Variants in OCA2 observed in about 807,000 individuals in gnomAD.
OCA2 encodes P protein.
A neutral mutation model predicts 100.2 loss-of-function variants in OCA2; 77 were observed. That is an observed-to-expected ratio of 0.77 (90% confidence interval 0.64 to 0.93). The LOEUF (loss-of-function observed/expected upper bound fraction) is 0.93. Among genes scored for constraint, OCA2 ranks in the 40% least tolerant of loss-of-function variants. The pLI is 0.00. For missense variants in OCA2, 1,062 were observed against 1,089.1 expected (o/e 0.98, Z 0.35); for synonymous variants, 432 against 439.2 (o/e 0.98, Z 0.21).
At chr15:27,837,600 G>A (rs186764707) in intron 23 of OCA2, among the ~76,000 whole-genome samples, 3 of 152,170 alleles carry the variant, frequency 2.0e-5, no homozygotes, top group East Asian at 3.9e-4. Context: ...CTAAAATTGA[G>A]GAAAGTAACA....
the OCA2 span, among the ~76,000 whole-genome samples, chr15:27,722,629 CTTCCT>C: frequency 1.0e-5 from 1 of 97,198 alleles, no homozygotes; most frequent in African/African-American, 3.6e-5. Flanking sequence ...TCCTCCCTTC[CTTCCT>C]TTCCTTCCTT....
At chr15:27,722,808 C>CTT in the OCA2 span, among the ~76,000 whole-genome samples, 135 of 143,248 alleles carry the variant, frequency 9.4e-4, no homozygotes, top group Admixed American at 1.8e-3. Context: ...CTCTTTCTCT[C>CTT]TCTCTTTCTC....
rs199932116 is a variant in OCA2 at position 27,943,358 on chromosome 15, A to T, written c.1951+8426T>A. Among the ~76,000 whole-genome samples, 227 of 114,936 alleles carry T rather than the reference A, an allele frequency of 2.0e-3. 1 individual carries two copies. The highest frequency in any genetic ancestry group is 5.4e-3 in the African/African-American group (209 of 38,624). The allele number at this position is 114,936 out of a possible 152,430, so 75.4% of individuals were successfully genotyped here. A position where few individuals can be genotyped will look rare whatever the true frequency, so the allele number is the denominator to read the frequency against. ...CCAAATTCCATCCTGACTCTAGTAT[A>T]ACATCACATGACAGACAGCAGGCCC... is the stretch of plus-strand genomic sequence containing the variant. On this transcript the variant is annotated intron_variant, in intron 18 of 23. Transcript: ENST00000354638.
chr15:28,003,637 C>T (rs1322313842), intron 9 of OCA2, among the ~76,000 whole-genome samples: 1 of 150,264 alleles, frequency 6.7e-6, no homozygotes, highest in South Asian at 2.1e-4. Context: ...GCGCGTGAGC[C>T]GTGCGCAGGG....
intron 2 of OCA2, among the ~76,000 whole-genome samples, chr15:28,069,384 C>CTCCCT (rs371498604): frequency 1.9e-4 from 2 of 10,458 alleles, no homozygotes; most frequent in Non-Finnish European, 3.0e-4. Context: ...CCCTCTCCCT[C>CTCCCT]CCCCTCCCCC....
In OCA2 at chr15:27,851,403, C is replaced by T. The variant is rs1184589806; in HGVS notation, c.2317G>A (p.Ala773Thr). The T allele has an allele frequency of 1.2e-6, 2 of 1,613,992 alleles. No individual in the cohort carries two copies. Among genetic ancestry groups the T allele is most frequent in the Admixed American group, 3.3e-5 (2 of 60,016 alleles). ...TTACCTCCCAGGCAAGCACCGAAGG[C>T]CAGGGCATACATGAGCGGCGGTGCG... ...LPAPPLMYALAFGACLGGNGT... is the reference protein window; with the variant it reads ...LPAPPLMYALTFGACLGGNGT... The change falls in exon 22 of 24, where the codon GCC (alanine) becomes ACC (threonine). Residue 773 changes from alanine to threonine, a missense_variant. Ala to Thr is a moderately conservative substitution (Grantham distance 58). Transcript: ENST00000354638.
At chr15:27,846,659 G>C (rs748832898) in intron 22 of OCA2, among the ~76,000 whole-genome samples, 1 of 152,192 alleles carries the variant, frequency 6.6e-6, no homozygotes, top group Non-Finnish European at 1.5e-5. Context: ...ATCTGCGAGG[G>C]ACCACTTCCC....
chr15:28,022,540 G>C lies in OCA2; in HGVS notation c.607C>G (p.Leu203Val). ...GGTGATAAGGCCAACAGCTGCCAGA[G>C]CTTTCCTTGATCCGGATATAGGCTG... ...LFSLYPDQGK[L>V]WQLLALSPLE... The change falls in exon 6 of 24, where the codon CTC becomes GTC. Residue 203 changes from leucine to valine, a missense_variant. Leu to Val is a conservative substitution (Grantham distance 32, BLOSUM62 1). Coordinates refer to ENST00000354638, the MANE Select transcript of OCA2 (RefSeq NM_000275.3). 6.2e-7 allele frequency: 1 copy of C among 1,614,060 alleles called. No individual in the cohort carries two copies. The highest frequency in any genetic ancestry group is 8.5e-7 in the Non-Finnish European group (1 of 1,179,912).
Position 28,092,012 on chromosome 15 carries a change from T to C in OCA2, c.-22+7212A>G, listed in dbSNP as rs369364248. The stretch of plus-strand genomic sequence containing the variant: ...CCATTACTAAATAAATAAAATGTGG[T>C]ATATACACACAGTGGATTATTTGAC... On this transcript the variant is annotated intron_variant, in intron 1 of 23. Coordinates refer to ENST00000354638, the MANE Select transcript of OCA2 (RefSeq NM_000275.3). Among the ~76,000 whole-genome samples the C allele has an allele frequency of 9.8e-4, 150 of 152,296 alleles. 3 individuals are homozygous for C. The South Asian group carries it at 0.029, about 29-fold the overall frequency.
chr15:28,044,735 T>A (rs41301787), intron 2 of OCA2, among the ~76,000 whole-genome samples: 2 of 152,238 alleles, frequency 1.3e-5, no homozygotes, highest in Non-Finnish European at 2.9e-5. Flanking sequence ...TTGGGATCAA[T>A]TGACCCCTGT....
chr15:27,825,751 A>G (rs2034696160), intron 23 of OCA2, among the ~76,000 whole-genome samples: 1 of 152,130 alleles, frequency 6.6e-6, no homozygotes, highest in African/African-American at 2.4e-5. Context: ...GGCTCCTCGC[A>G]GCTCCTCCCG....
At chr15:27,985,223 A>C in intron 12 of OCA2, 35 bp from the exon 13 acceptor site, 1 of 1,612,884 alleles carries the variant, frequency 6.2e-7, no homozygotes, top group South Asian at 1.1e-5. Flanking sequence ...TACAAGCCAG[A>C]GTGAGCAGGC....
intron 13 of OCA2, among the ~76,000 whole-genome samples, chr15:27,984,807 C>G (rs186278758): frequency 2.0e-4 from 31 of 152,310 alleles, no homozygotes; most frequent in African/African-American, 7.2e-4. Context: ...AGACCACAAT[C>G]TCCAGGAAAG....
Position 27,893,112 on chromosome 15 carries a change from G to C in OCA2, c.2080-21190C>G, listed in dbSNP as rs143053606. On this transcript the variant is annotated intron_variant, in intron 19 of 23. Transcript: ENST00000354638. ...TTCCAGACTCCTGGTTTTATTGCAG[G>C]AAGTCAGGGACCCCAAATGGAGGGA... is the stretch of plus-strand genomic sequence containing the variant. Among the ~76,000 whole-genome samples, 1,447 of 152,302 alleles carry C rather than the reference G, an allele frequency of 9.5e-3. 12 individuals are homozygous for C. The highest frequency in any genetic ancestry group is 0.015 in the Non-Finnish European group (1,018 of 68,014).
intron 1 of OCA2, among the ~76,000 whole-genome samples, chr15:28,082,349 C>T (rs966821007): frequency 1.3e-5 from 2 of 152,174 alleles, no homozygotes; most frequent in Non-Finnish European, 2.9e-5. Context: ...TTGGTTTTCA[C>T]AGTAAATCTT....
At chr15:27,764,585 G>T (rs946484622) in intron 23 of OCA2, among the ~76,000 whole-genome samples, 1 of 152,090 alleles carries the variant, frequency 6.6e-6, no homozygotes, top group African/African-American at 2.4e-5. Context: ...GGACTCAGCC[G>T]CCCATGCATT....
Position 27,957,741 on chromosome 15 carries a change from G to A in OCA2, c.1637-6C>T, listed in dbSNP as rs1218645893. On this transcript the variant is annotated splice_polypyrimidine_tract_variant and splice_region_variant and intron_variant, in intron 15 of 23. Coordinates refer to ENST00000354638, the MANE Select transcript of OCA2 (RefSeq NM_000275.3). The surrounding 1 kb of genome is among the most constrained non-coding windows in gnomAD (Gnocchi z 4.3). Reference sequence around the variant, plus strand: ...GTGAATCTCGTGCTTCAGTTCTGCAGAGAAAGGAAGGCGAAGCTTGGGTCT... The same window carrying A: ...GTGAATCTCGTGCTTCAGTTCTGCAAAGAAAGGAAGGCGAAGCTTGGGTCT... 1.2e-6 allele frequency: 2 copies of A among 1,613,022 alleles called. No homozygotes were observed. Among genetic ancestry groups the A allele is most frequent in the African/African-American group, 2.7e-5 (2 of 74,930 alleles).
downstream of OCA2, among the ~76,000 whole-genome samples, chr15:27,750,353 A>G (rs747629194): frequency 1.4e-4 from 21 of 152,330 alleles, no homozygotes; most frequent in South Asian, 8.3e-4. Flanking sequence ...AGAGGATAAA[A>G]TACAAGGCTT....
At chr15:27,779,194 A>G (rs2032406662) in intron 23 of OCA2, among the ~76,000 whole-genome samples, 2 of 152,200 alleles carry the variant, frequency 1.3e-5, no homozygotes, top group South Asian at 4.1e-4. Context: ...CTAATATGTG[A>G]TCTGTCCTGG....
Sources: gnomAD v4.1 joint callset for allele counts (sites outside exome capture counted in the v4.1 genomes callset) on GRCh38, gnomAD v4.1.1 for gene constraint, Gnocchi (gnomAD v3.1) non-coding constraint, MANE v1.5 for transcripts, NCBI Gene and HGNC (gene_info 2026-07-23, HGNC 2026-07-21) for gene names.